Variants in DMD observed in about 807,000 individuals in gnomAD.
The protein encoded by DMD is dystrophin, also known as mutant dystrophin.
Under a neutral mutation model 330.1 loss-of-function variants are expected in DMD, and 63 were observed. That is an observed-to-expected ratio of 0.19 (90% CI 0.16 to 0.24). The LOEUF (loss-of-function observed/expected upper bound fraction) is 0.24. Among genes scored for constraint, DMD ranks in the 10% least tolerant of loss-of-function variants. The pLI is 1.00. For missense variants in DMD, 3,344 were observed against 2,684.1 expected, an observed-to-expected ratio of 1.25 and a Z score of -5.43; for synonymous variants, 1,223 against 959.8, an observed-to-expected ratio of 1.27 and a Z score of -5.07.
intron 1 of DMD, among the ~76,000 whole-genome samples, chrX:33,247,365 G>T (rs1381464539): frequency 9.0e-5 from 10 of 111,365 alleles, no homozygotes; most frequent in African/African-American, 1.6e-4. Flanking sequence ...TTTGCCTATT[G>T]AAAATTTATC....
At chrX:32,133,260 C>T (rs1233616298) in intron 44 of DMD, among the ~76,000 whole-genome samples, 2 of 110,008 alleles carry the variant, frequency 1.8e-5, no homozygotes, top group African/African-American at 6.7e-5. Context: ...CCCGCCTCGG[C>T]CTCCCAAAGT....
At chrX:33,155,833 A>G (rs1487655596) in intron 1 of DMD, among the ~76,000 whole-genome samples, 1 of 111,231 alleles carries the variant, frequency 9.0e-6, no homozygotes, top group African/African-American at 3.3e-5. Context: ...ATGGGCTGAA[A>G]CAGGAGGATC....
chrX:32,534,160 G>A (rs1392736412), intron 17 of DMD, among the ~76,000 whole-genome samples: 1 of 112,134 alleles, frequency 8.9e-6, no homozygotes, highest in East Asian at 2.8e-4. Flanking sequence ...ATTTCTCGCA[G>A]TTCTATAGGC....
intron 50 of DMD, among the ~76,000 whole-genome samples, chrX:31,782,770 G>C (rs761998470): frequency 9.0e-6 from 1 of 111,446 alleles, no homozygotes; most frequent in Non-Finnish European, 1.9e-5. Context: ...ATCCAGCAGA[G>C]AGAACACAGC....
chrX:32,710,093 CAA>C (rs1179516465), intron 7 of DMD, among the ~76,000 whole-genome samples: 2 of 111,071 alleles, frequency 1.8e-5, no homozygotes, highest in African/African-American at 6.6e-5. Flanking sequence ...CAAAATTCTG[CAA>C]AAGAGATTCA....
intron 25 of DMD, among the ~76,000 whole-genome samples, chrX:32,456,578 T>TTGTGTGTGTG (rs60876331): frequency 6.3e-4 from 56 of 89,502 alleles, no homozygotes; most frequent in African/African-American, 2.2e-3. Context: ...CATACATACT[T>TTGTGTGTGTG]TGTGTGTGTG....
intron 7 of DMD, among the ~76,000 whole-genome samples, chrX:32,712,867 C>A (rs1017593599): frequency 2.7e-5 from 3 of 111,198 alleles, no homozygotes; most frequent in Non-Finnish European, 3.8e-5. Context: ...TTGTAATATT[C>A]TTCTACATTG....
intron 20 of DMD, among the ~76,000 whole-genome samples, chrX:32,488,126 A>C (rs763178314): frequency 8.9e-6 from 1 of 111,827 alleles, no homozygotes; most frequent in East Asian, 2.8e-4. Flanking sequence ...GCAAATGTTC[A>C]GTTGAGACCT....
chrX:32,186,601 C>T lies in DMD; in HGVS notation c.6438+30315G>A, dbSNP rs778519574. Among the ~76,000 whole-genome samples, 6 of 111,399 alleles carry T rather than the reference C, an allele frequency of 5.4e-5. No individual in the cohort carries two copies. The East Asian group carries it at 1.4e-3, about 26-fold the overall frequency. On this transcript the variant is annotated intron_variant, in intron 44 of 78. Coordinates refer to ENST00000357033, the MANE Select transcript of DMD (RefSeq NM_004006.3). ...ATTCTAGTTTTCCATTTGATTTGAA[C>T]ATGTACATTATTTCAGCATGGTGGA...
intron 60 of DMD, among the ~76,000 whole-genome samples, chrX:31,420,349 G>C (rs1184981951): frequency 8.9e-6 from 1 of 112,071 alleles, no homozygotes; most frequent in African/African-American, 3.2e-5. Flanking sequence ...TATATGTCCA[G>C]AGTCAATTAA....
intron 62 of DMD, among the ~76,000 whole-genome samples, chrX:31,291,663 G>A (rs1489238094): frequency 1.8e-5 from 2 of 111,389 alleles, no homozygotes; most frequent in Non-Finnish European, 3.8e-5. Context: ...TTCCCACTAG[G>A]AAAATTCCAA....
At chrX:32,085,699 T>TAC (rs2096433597) in intron 44 of DMD, among the ~76,000 whole-genome samples, 5 of 104,967 alleles carry the variant, frequency 4.8e-5, no homozygotes, top group Admixed American at 1.0e-4. Context: ...TACGTATATA[T>TAC]ACACACGCGT....
chrX:31,421,936 C>CATATATAT (rs1223875211), intron 60 of DMD, among the ~76,000 whole-genome samples: 2 of 55,738 alleles, frequency 3.6e-5, no homozygotes, highest in Non-Finnish European at 5.6e-5. Flanking sequence ...TATATATACA[C>CATATATAT]ACACACATAT....
chrX:33,297,035 C>T (rs2053593803), intron 1 of DMD, among the ~76,000 whole-genome samples: 1 of 111,185 alleles, frequency 9.0e-6, no homozygotes, highest in Admixed American at 9.6e-5. Flanking sequence ...CTGTAGTTTT[C>T]ATCTCTGTAG....
intron 7 of DMD, among the ~76,000 whole-genome samples, chrX:32,774,985 A>G (rs755643306): frequency 3.1e-4 from 35 of 112,535 alleles, no homozygotes; most frequent in Non-Finnish European, 6.6e-4. Flanking sequence ...CAATGCAGGT[A>G]TAAGTATTGG....
intron 57 of DMD, among the ~76,000 whole-genome samples, chrX:31,490,431 G>A (rs915789226): frequency 7.2e-5 from 8 of 111,487 alleles, no homozygotes; most frequent in Non-Finnish European, 1.3e-4. Flanking sequence ...GTGTGGTGGT[G>A]GGTGCCTGTA....
At chrX:32,883,853 A>G (rs2084257990) in intron 2 of DMD, among the ~76,000 whole-genome samples, 1 of 98,326 alleles carries the variant, frequency 1.0e-5, no homozygotes, top group African/African-American at 3.7e-5. Context: ...AAAAAAAAAG[A>G]AAATGACTTC....
At chrX:31,585,619 T>C (rs1395705064) in intron 55 of DMD, among the ~76,000 whole-genome samples, 1 of 110,194 alleles carries the variant, frequency 9.1e-6, no homozygotes, top group Admixed American at 9.7e-5. Context: ...CTCAGCTCTG[T>C]TGGTGATAAT....
At chrX:32,032,908 C>T (rs773253663) in intron 44 of DMD, among the ~76,000 whole-genome samples, 1 of 111,858 alleles carries the variant, frequency 8.9e-6, no homozygotes, top group African/African-American at 3.2e-5. Flanking sequence ...GCACAGAGTT[C>T]CTCACAGTGC....
Sources: allele counts gnomAD v4.1 joint callset (sites outside exome capture counted in the v4.1 genomes callset), GRCh38; gene constraint gnomAD v4.1.1; transcripts MANE v1.5; gene names NCBI Gene and HGNC (gene_info 2026-07-23, HGNC 2026-07-21).